The following PCDHGA7 variants were observed in gnomAD, a reference collection of about 807,000 sequenced individuals.
PCDHGA7 encodes protocadherin gamma-A7.
Under a neutral mutation model 58.3 loss-of-function variants are expected in PCDHGA7, and 44 were observed. The ratio of observed to expected loss-of-function variants is 0.75; its 90% confidence interval spans 0.59 to 0.97. PCDHGA7 has a LOEUF of 0.97. Among genes scored for constraint, PCDHGA7 ranks in the 50% least tolerant of loss-of-function variants. PCDHGA7 has a pLI of 0.00. For missense variants in PCDHGA7, 1,266 were observed against 1,188.7 expected (o/e 1.06, Z -0.96); for synonymous variants, 516 against 504.2 (o/e 1.02, Z -0.31).
At chr5:141,433,360 T>C (rs1313053553) in intron 1 of PCDHGA7, 46 of 298,056 alleles carry the variant, frequency 1.5e-4, no homozygotes, top group Non-Finnish European at 2.5e-4. Context: ...ACTGTCTGCC[T>C]ATCTATCTAT....
In PCDHGA7 at chr5:141,409,983, T is replaced by C. The variant is rs1481655663; in HGVS notation, c.2424+24660T>C. The C allele has an allele frequency of 1.2e-6, 2 of 1,613,160 alleles. No individual in the cohort carries two copies. Among genetic ancestry groups the C allele is most frequent in the African/African-American group, 2.7e-5 (2 of 74,914 alleles). On this transcript the variant is annotated intron_variant, in intron 1 of 3. Coordinates refer to ENST00000518325, the MANE Select transcript of PCDHGA7 (RefSeq NM_018920.4). ...TACCTAGTGACTAAGGTGGTAGCGG[T>C]GGACGCCGACTCGGGACACAACGCC... is the stretch of plus-strand genomic sequence containing the variant.
rs1387677265 is a variant in PCDHGA7 at position 141,486,434 on chromosome 5, T to C, written c.2425-8373T>C. 3 of 1,614,150 alleles carry C rather than the reference T, an allele frequency of 1.9e-6. No homozygotes were observed. The highest frequency in any genetic ancestry group is 2.5e-6 in the Non-Finnish European group (3 of 1,179,986). The stretch of plus-strand genomic sequence containing the variant: ...CTTGGATCGAGAGGCCAAATCTAGC[T>C]ATGACATCATGGTCACTGCTTCTGA... On this transcript the variant is annotated intron_variant, in intron 1 of 3. Coordinates refer to ENST00000518325, the MANE Select transcript of PCDHGA7 (RefSeq NM_018920.4). This position sits in a 1 kb window ranked among gnomAD's most constrained non-coding sequence, Gnocchi z 5.0.
At position 141,383,273 on chromosome 5, in the gene PCDHGA7, A is replaced by C; in HGVS notation, c.374A>C (p.Asp125Ala). The change falls in exon 1 of 4, where the codon GAT (aspartate) becomes GCT (alanine). Residue 125 changes from aspartate to alanine, a missense_variant. Transcript: ENST00000518325. ...NLYPIDVEII[D>A]INDNVPRFLT... ...TACCCTATAGACGTGGAAATAATAG[A>C]TATTAATGACAACGTTCCAAGATTC... 1 of 1,613,960 alleles carries C rather than the reference A, an allele frequency of 6.2e-7. No homozygotes were observed. Among genetic ancestry groups the C allele is most frequent in the Non-Finnish European group, 8.5e-7 (1 of 1,179,882 alleles).
At chr5:141,399,376 A>T in intron 1 of PCDHGA7, 1 of 1,613,956 alleles carries the variant, frequency 6.2e-7, no homozygotes, top group Non-Finnish European at 8.5e-7. Context: ...GTACAATGTC[A>T]CCATCACAGC....
intron 1 of PCDHGA7, chr5:141,422,953 G>A: frequency 6.2e-7 from 1 of 1,614,232 alleles, no homozygotes; most frequent in Non-Finnish European, 8.5e-7. Context: ...CTCCACTGGC[G>A]TGGAGCTGGC....
At chr5:141,467,059 T>C (rs1157689140) in intron 1 of PCDHGA7, among the ~76,000 whole-genome samples, 2 of 151,064 alleles carry the variant, frequency 1.3e-5, no homozygotes, top group African/African-American at 2.4e-5. Context: ...TGTTTTCTTT[T>C]TTTTTTTTTT....
At chr5:141,437,660 G>A (rs1021986333) in intron 1 of PCDHGA7, among the ~76,000 whole-genome samples, 6 of 151,866 alleles carry the variant, frequency 4.0e-5, no homozygotes, top group Non-Finnish European at 5.9e-5. Flanking sequence ...ACATAGTTTC[G>A]AAGAGATGTT....
intron 1 of PCDHGA7, among the ~76,000 whole-genome samples, chr5:141,464,749 T>A (rs1026757405): frequency 6.6e-6 from 1 of 152,216 alleles, no homozygotes; most frequent in African/African-American, 2.4e-5. Context: ...ATCTTTTTGT[T>A]TTTTTAGAGA....
intron 1 of PCDHGA7, among the ~76,000 whole-genome samples, chr5:141,401,410 A>T (rs536817103): frequency 2.6e-5 from 4 of 152,354 alleles, no homozygotes; most frequent in African/African-American, 9.6e-5. Context: ...TGAGAGAGAA[A>T]GAGAGAGACT....
rs761386567 is a variant in PCDHGA7 at position 141,383,468 on chromosome 5, A to G, written c.569A>G (p.Lys190Arg). ...GTGCAAAGTGGAGACGATGAAACTA[A>G]GTACCCGGAACTGGTGCTGGAGCGG... Reference protein sequence around the residue: ...LAVQSGDDETKYPELVLERVL... With the variant: ...LAVQSGDDETRYPELVLERVL... Residue 190 changes from lysine to arginine, a missense_variant, in exon 1 of 4, where the codon AAG (lysine) becomes AGG (arginine). Transcript: ENST00000518325. The G allele has an allele frequency of 1.1e-5, 17 of 1,613,656 alleles. 1 individual carries two copies. In the South Asian group the frequency reaches 1.9e-4, roughly 18 times the overall value.
In PCDHGA7 at chr5:141,432,897, C is replaced by A. The variant is rs780142081; in HGVS notation, c.2424+47574C>A. 1.2e-6 allele frequency: 2 copies of A among 1,614,178 alleles called. No individual in the cohort carries two copies. Among genetic ancestry groups the A allele is most frequent in the Non-Finnish European group, 1.7e-6 (2 of 1,180,010 alleles). On this transcript the variant is annotated intron_variant, in intron 1 of 3. Coordinates refer to ENST00000518325, the MANE Select transcript of PCDHGA7 (RefSeq NM_018920.4). The surrounding 1 kb of genome is among the most constrained non-coding windows in gnomAD (Gnocchi z 6.0). ...CTGGCCTTCGTCATCTTGCTGCTGGCGCTCAGGCTGCGGCGCTGGCACAAG... is the reference window on the plus strand; with the variant it reads ...CTGGCCTTCGTCATCTTGCTGCTGGAGCTCAGGCTGCGGCGCTGGCACAAG...
At chr5:141,470,838 C>T (rs142581300) in intron 1 of PCDHGA7, among the ~76,000 whole-genome samples, 5 of 152,222 alleles carry the variant, frequency 3.3e-5, no homozygotes, top group African/African-American at 7.2e-5. Flanking sequence ...CAAACACACG[C>T]CACCATGCTC....
intron 1 of PCDHGA7, among the ~76,000 whole-genome samples, chr5:141,492,103 T>G (rs1458656062): frequency 6.6e-6 from 1 of 152,134 alleles, no homozygotes; most frequent in Non-Finnish European, 1.5e-5. Flanking sequence ...GTCTGTAGAT[T>G]TCCTCTTCGA....
chr5:141,468,983 AATT>A (rs958294955), intron 1 of PCDHGA7, among the ~76,000 whole-genome samples: 5 of 148,376 alleles, frequency 3.4e-5, no homozygotes, highest in Admixed American at 6.8e-5. Context: ...TGACTTCCAA[AATT>A]ATTGTTTTTG....
chr5:141,428,443 G>T (rs1004000862), intron 1 of PCDHGA7: 5 of 383,870 alleles, frequency 1.3e-5, no homozygotes, highest in Non-Finnish European at 2.0e-5. Context: ...TAGACCAGGG[G>T]TTTTTCCCAA....
rs1379095967 is a variant in PCDHGA7 at position 141,422,752 on chromosome 5, A to C, written c.2424+37429A>C. The C allele has an allele frequency of 6.2e-7, 1 of 1,612,064 alleles. No homozygotes were observed. The highest frequency in any genetic ancestry group is 1.3e-5 in the African/African-American group (1 of 74,892). On this transcript the variant is annotated intron_variant, in intron 1 of 3. Transcript: ENST00000518325. The stretch of plus-strand genomic sequence containing the variant: ...GCCTCTGTCCTCCTATGTCTCTATT[A>C]ACTCCAACACTGGTGTTCTCTATGC...
chr5:141,444,710 T>A (rs2098445001), intron 1 of PCDHGA7, among the ~76,000 whole-genome samples: 1 of 152,236 alleles, frequency 6.6e-6, no homozygotes, highest in Admixed American at 6.5e-5. Flanking sequence ...TTCTGTTGAA[T>A]TTGCTTGGTG....
At chr5:141,400,551 T>G in intron 1 of PCDHGA7, 1 of 1,613,726 alleles carries the variant, frequency 6.2e-7, no homozygotes, top group Non-Finnish European at 8.5e-7. Context: ...TCTATTCTTT[T>G]TCATTACCCA....
rs2095330785 is a variant in PCDHGA7 at position 141,409,884 on chromosome 5, G to C, written c.2424+24561G>C. The C allele has an allele frequency of 1.9e-6, 3 of 1,612,952 alleles. No individual in the cohort carries two copies. In the South Asian group the frequency reaches 3.3e-5, roughly 18 times the overall value. On this transcript the variant is annotated intron_variant, in intron 1 of 3. Transcript: ENST00000518325. ...GGAGACCGCAATGACAACGCACCGC[G>C]GGTGCTGTACCCAGCTCTGGGTCCT...
Sources: allele counts gnomAD v4.1 joint callset (sites outside exome capture counted in the v4.1 genomes callset), GRCh38; gene constraint gnomAD v4.1.1; non-coding constraint Gnocchi (gnomAD v3.1); transcripts MANE v1.5; gene names NCBI Gene and HGNC (gene_info 2026-07-23, HGNC 2026-07-21).